The following CNBD1 variants were observed in gnomAD, a reference collection of about 807,000 sequenced individuals.
CNBD1 encodes cyclic nucleotide-binding domain-containing protein 1.
CNBD1 carries 71 observed loss-of-function variants against 54.4 expected under a neutral mutation model. The ratio of observed to expected loss-of-function variants is 1.30; its 90% CI spans 1.08 to 1.59. The LOEUF (loss-of-function observed/expected upper bound fraction) is 1.59. CNBD1 is among the 40% of genes most tolerant of loss of function. The probability of loss-of-function intolerance (pLI) is 0.00; values close to 1 mark genes in which losing one functional copy is unlikely to be tolerated. For missense variants in CNBD1, 659 were observed against 518.0 expected (o/e 1.27, Z -2.64); for synonymous variants, 182 against 170.7 (o/e 1.07, Z -0.51).
intron 10 of CNBD1, among the ~76,000 whole-genome samples, chr8:87,370,067 T>G (rs962832841): frequency 2.0e-5 from 3 of 152,060 alleles, no homozygotes; most frequent in African/African-American, 4.8e-5. Context: ...TCATCATTTT[T>G]TATGGCTGCA....
chr8:87,273,854 G>T (rs1808420923), intron 6 of CNBD1, among the ~76,000 whole-genome samples: 1 of 151,648 alleles, frequency 6.6e-6, no homozygotes, highest in African/African-American at 2.4e-5. Context: ...CATGTGCCAT[G>T]CTGGTGTGCT....
chr8:87,375,057 T>G (rs975701989), intron 10 of CNBD1, among the ~76,000 whole-genome samples: 10 of 151,908 alleles, frequency 6.6e-5, no homozygotes, highest in Non-Finnish European at 8.8e-5. Context: ...TTTATAAATC[T>G]TCCACTCAAA....
intron 8 of CNBD1, among the ~76,000 whole-genome samples, chr8:87,340,571 A>G (rs1810045903): frequency 6.6e-6 from 1 of 151,954 alleles, no homozygotes; most frequent in Admixed American, 6.6e-5. Flanking sequence ...TAAATCATTT[A>G]ATTTTTCTTC....
At chr8:87,273,190 T>G (rs1052464282) in intron 6 of CNBD1, among the ~76,000 whole-genome samples, 2 of 151,940 alleles carry the variant, frequency 1.3e-5, no homozygotes, top group African/African-American at 4.8e-5. Flanking sequence ...GTTTAGAAAA[T>G]TATGAAATAT....
intron 4 of CNBD1, among the ~76,000 whole-genome samples, chr8:87,203,868 G>A (rs1030052325): frequency 1.3e-5 from 2 of 152,168 alleles, no homozygotes; most frequent in Non-Finnish European, 2.9e-5. Flanking sequence ...AAGAAAAAAG[G>A]AAGAAATGGA....
At chr8:87,257,174 A>C (rs1459566394) in intron 6 of CNBD1, among the ~76,000 whole-genome samples, 1 of 151,478 alleles carries the variant, frequency 6.6e-6, no homozygotes, top group African/African-American at 2.4e-5. Context: ...GTTTGAGACC[A>C]GCCTGGCCAA....
intron 1 of CNBD1, among the ~76,000 whole-genome samples, chr8:86,878,300 A>T (rs1306876110): frequency 6.6e-6 from 1 of 152,082 alleles, no homozygotes; most frequent in African/African-American, 2.4e-5. Flanking sequence ...TTTTTTGAAG[A>T]TAGATTACTT....
chr8:87,383,438 A>G (rs1811127030), downstream of CNBD1, among the ~76,000 whole-genome samples: 1 of 152,294 alleles, frequency 6.6e-6, no homozygotes, highest in African/African-American at 2.4e-5. Flanking sequence ...TTATTATTTT[A>G]GAGATAAAGA....
chr8:87,414,054 T>C (rs1807796781), intron 2 of CNBD1, among the ~76,000 whole-genome samples: 1 of 152,276 alleles, frequency 6.6e-6, no homozygotes, highest in African/African-American at 2.4e-5. Context: ...ATCATGATAC[T>C]ATAAAGACAC....
intron 8 of CNBD1, among the ~76,000 whole-genome samples, chr8:87,330,213 A>G (rs1205277546): frequency 7.3e-6 from 1 of 136,474 alleles, no homozygotes; most frequent in Non-Finnish European, 1.6e-5. Flanking sequence ...CCATACTGGT[A>G]ATTTGTGTTC....
In CNBD1 at chr8:87,099,445, G is replaced by A. The variant is rs147491990; in HGVS notation, c.432-106548G>A. 7.2e-3 allele frequency among the ~76,000 whole-genome samples: 1,103 copies of A among 152,274 alleles called. 4 individuals carry two copies. The highest frequency in any genetic ancestry group is 0.019 in the Admixed American group (285 of 15,304). ...CTTGGCTATTGATTTAGGAACAATA[G>A]TAGGGTGGCAATGGTAGATGTCGAA... On this transcript the variant is annotated intron_variant, in intron 4 of 10. Transcript: ENST00000518476.
chr8:86,991,643 T>G (rs1303483391), intron 4 of CNBD1, among the ~76,000 whole-genome samples: 2 of 152,208 alleles, frequency 1.3e-5, no homozygotes, highest in Admixed American at 1.3e-4. Context: ...AACTTCTTGA[T>G]GAAGGTGTTT....
intron 4 of CNBD1, among the ~76,000 whole-genome samples, chr8:87,036,616 A>AG (rs1809956068): frequency 6.6e-6 from 1 of 150,952 alleles, no homozygotes; most frequent in Admixed American, 6.6e-5. Context: ...AAAAAAAAAA[A>AG]AAAGATTGGT....
chr8:87,208,616 C>A (rs1329196145), intron 5 of CNBD1, among the ~76,000 whole-genome samples: 1 of 151,868 alleles, frequency 6.6e-6, no homozygotes, highest in Non-Finnish European at 1.5e-5. Flanking sequence ...AAAAGAATTG[C>A]CAGTTTAGTT....
At chr8:87,427,939 C>A (rs1808077243) in intron 2 of CNBD1, among the ~76,000 whole-genome samples, 1 of 152,014 alleles carries the variant, frequency 6.6e-6, no homozygotes, top group Non-Finnish European at 1.5e-5. Flanking sequence ...TCACCAAAGC[C>A]CCCCCAGCAT....
intron 10 of CNBD1, among the ~76,000 whole-genome samples, chr8:87,381,017 G>C (rs1811062039): frequency 6.6e-6 from 1 of 151,904 alleles, no homozygotes; most frequent in African/African-American, 2.4e-5. Flanking sequence ...CAAAAGCACA[G>C]GCAACAAAAA....
intron 8 of CNBD1, among the ~76,000 whole-genome samples, chr8:87,350,599 T>A (rs1449595298): frequency 6.6e-6 from 1 of 151,926 alleles, no homozygotes; most frequent in East Asian, 1.9e-4. Flanking sequence ...ATTATGTTGA[T>A]ATATGCTCTT....
At chr8:87,020,672 GA>G (rs34784236) in intron 4 of CNBD1, among the ~76,000 whole-genome samples, 108,041 of 151,864 alleles carry the variant, frequency 0.71, 39,056 homozygotes, top group African/African-American at 0.82. Flanking sequence ...ATGAGACAGG[GA>G]AAAAAAATGT....
At chr8:87,103,611 G>A (rs960217668) in intron 4 of CNBD1, among the ~76,000 whole-genome samples, 2 of 152,164 alleles carry the variant, frequency 1.3e-5, no homozygotes, top group African/African-American at 4.8e-5. Context: ...TGAAGTTGGG[G>A]AAAAGCCCCT....
Sources: gnomAD v4.1 joint callset for allele counts (sites outside exome capture counted in the v4.1 genomes callset) on GRCh38, gnomAD v4.1.1 for gene constraint, MANE v1.5 for transcripts, NCBI Gene and HGNC (gene_info 2026-07-23, HGNC 2026-07-21) for gene names.